The following RANBP17 variants were observed in gnomAD, a reference collection of about 807,000 sequenced individuals.
The protein encoded by RANBP17 is RAN binding protein 17, also known as ran-binding protein 17.
A neutral mutation model predicts 141.2 loss-of-function variants in RANBP17; 158 were observed. The ratio of observed to expected loss-of-function variants is 1.12; its 90% CI spans 0.98 to 1.28. RANBP17 has a LOEUF of 1.28. RANBP17 is among the 50% of genes most tolerant of loss of function. The pLI is 0.00. For missense variants in RANBP17, 1,438 were observed against 1,290.7 expected (o/e 1.11, Z -1.75); for synonymous variants, 430 against 450.0 (o/e 0.96, Z 0.56).
In RANBP17 at chr5:171,147,962, G is replaced by A. The variant is rs185062500; in HGVS notation, c.1711-22168G>A. 3.5e-4 allele frequency among the ~76,000 whole-genome samples: 54 copies of A among 152,264 alleles called. 2 individuals carry two copies. In the East Asian group the frequency reaches 8.3e-3, roughly 24 times the overall value. ...TGGAATAGAAAGGCGGGAAAGGTGG[G>A]CAAAAGATTGAGAAATCGGATGGTT... On this transcript the variant is annotated intron_variant, in intron 14 of 27. Transcript: ENST00000523189.
intron 14 of RANBP17, among the ~76,000 whole-genome samples, chr5:171,149,718 G>A (rs974782408): frequency 6.6e-6 from 1 of 152,132 alleles, no homozygotes; most frequent in Non-Finnish European, 1.5e-5. Flanking sequence ...TGTAAGCCAG[G>A]CCTTAATATC....
chr5:170,942,501 G>A (rs1774409835), intron 12 of RANBP17, among the ~76,000 whole-genome samples: 1 of 152,154 alleles, frequency 6.6e-6, no homozygotes. Flanking sequence ...GCTACATACA[G>A]CATGAAACGT....
chr5:171,201,683 T>C (rs1247001187), intron 19 of RANBP17, among the ~76,000 whole-genome samples: 1 of 152,246 alleles, frequency 6.6e-6, no homozygotes, highest in Non-Finnish European at 1.5e-5. Context: ...TAAATTCTAC[T>C]GTAAGCACCA....
chr5:171,156,784 A>G (rs1321506423), intron 14 of RANBP17, among the ~76,000 whole-genome samples: 1 of 152,180 alleles, frequency 6.6e-6, no homozygotes, highest in African/African-American at 2.4e-5. Flanking sequence ...TTGTGGGAAA[A>G]AAAGTCTTTT....
At chr5:170,981,723 C>T (rs750492030) in intron 14 of RANBP17, among the ~76,000 whole-genome samples, 56 of 152,046 alleles carry the variant, frequency 3.7e-4, no homozygotes, top group Non-Finnish European at 7.2e-4. Flanking sequence ...AACATGAAAA[C>T]GGACTAATAC....
At chr5:170,975,855 CAAACAG>C (rs1358376960) in intron 14 of RANBP17, among the ~76,000 whole-genome samples, 8 of 151,292 alleles carry the variant, frequency 5.3e-5, no homozygotes, top group Admixed American at 3.3e-4. Context: ...AAAAAACAAA[CAAACAG>C]AAACACCAAA....
intron 14 of RANBP17, among the ~76,000 whole-genome samples, chr5:171,065,707 C>A (rs1437192919): frequency 6.6e-6 from 1 of 151,688 alleles, no homozygotes; most frequent in Non-Finnish European, 1.5e-5. Context: ...ATATTTTATT[C>A]CATTGATTTG....
intron 12 of RANBP17, among the ~76,000 whole-genome samples, chr5:170,933,913 GTA>G (rs1773629351): frequency 6.6e-6 from 1 of 151,940 alleles, no homozygotes; most frequent in South Asian, 2.1e-4. Context: ...GGAGCGTTCT[GTA>G]GATGTCTATT....
chr5:171,143,823 A>T (rs898641365), intron 14 of RANBP17, among the ~76,000 whole-genome samples: 30 of 152,196 alleles, frequency 2.0e-4, no homozygotes, highest in African/African-American at 7.2e-4. Flanking sequence ...GGTCTTAAAG[A>T]TGGAGATGAT....
chr5:170,955,555 GTATATATATATA>G (rs71910042), intron 13 of RANBP17, among the ~76,000 whole-genome samples: 1 of 77,794 alleles, frequency 1.3e-5, no homozygotes, highest in African/African-American at 4.7e-5. Context: ...CTCAGTCTGT[GTATATATATATA>G]TGCTCAGTCT....
intron 14 of RANBP17, among the ~76,000 whole-genome samples, chr5:171,101,277 G>A (rs1787141209): frequency 6.6e-6 from 1 of 152,158 alleles, no homozygotes; most frequent in Admixed American, 6.5e-5. Context: ...GAATCTGGGT[G>A]CTCCTGTATT....
At chr5:170,880,415 A>C (rs1268055587) in intron 2 of RANBP17, among the ~76,000 whole-genome samples, 1 of 152,190 alleles carries the variant, frequency 6.6e-6, no homozygotes, top group African/African-American at 2.4e-5. Flanking sequence ...TTTTCTCTGC[A>C]CATATAACTT....
rs1276623208 is a variant in RANBP17 at position 171,134,957 on chromosome 5, A to T, written c.1711-35173A>T. ...AAAATAAATTAAATTCCCAAAACAGAAAAGTAAGTAAGTAAAGAGAAAAGT... is the reference window on the plus strand; with the variant it reads ...AAAATAAATTAAATTCCCAAAACAGTAAAGTAAGTAAGTAAAGAGAAAAGT... On this transcript the variant is annotated intron_variant, in intron 14 of 27. Transcript: ENST00000523189. Among the ~76,000 whole-genome samples, 5 of 151,836 alleles carry T rather than the reference A, an allele frequency of 3.3e-5. No homozygotes were observed. The East Asian group carries it at 9.7e-4, about 30-fold the overall frequency.
chr5:170,996,550 A>G (rs908163770), intron 14 of RANBP17, among the ~76,000 whole-genome samples: 1 of 152,178 alleles, frequency 6.6e-6, no homozygotes, highest in African/African-American at 2.4e-5. Flanking sequence ...AGTTATGCCA[A>G]AAAGTTTTTG....
At chr5:170,945,934 G>A (rs182665877) in intron 12 of RANBP17, among the ~76,000 whole-genome samples, 9 of 152,278 alleles carry the variant, frequency 5.9e-5, no homozygotes, top group African/African-American at 9.6e-5. Flanking sequence ...CTCATAATGT[G>A]TTAAACGCTT....
intron 12 of RANBP17, among the ~76,000 whole-genome samples, chr5:170,932,381 T>A (rs946298456): frequency 6.6e-6 from 1 of 152,222 alleles, no homozygotes; most frequent in African/African-American, 2.4e-5. Context: ...CCTCTTTTCC[T>A]AATTGAATAC....
chr5:170,948,036 C>A (rs1275273955), intron 12 of RANBP17, among the ~76,000 whole-genome samples: 1 of 152,130 alleles, frequency 6.6e-6, no homozygotes, highest in East Asian at 1.9e-4. Flanking sequence ...AGACAGACTA[C>A]CATGCTAAGT....
intron 14 of RANBP17, among the ~76,000 whole-genome samples, chr5:171,139,322 C>G (rs1021011872): frequency 6.6e-6 from 1 of 152,238 alleles, no homozygotes; most frequent in Admixed American, 6.5e-5. Flanking sequence ...TCTTCTCCAT[C>G]CATCTCTTCC....
intron 18 of RANBP17, among the ~76,000 whole-genome samples, chr5:171,188,075 G>C (rs1761391457): frequency 6.6e-6 from 1 of 151,922 alleles, no homozygotes; most frequent in Admixed American, 6.6e-5. Context: ...TAAATCACCA[G>C]AAAGACAAAC....
Sources: allele counts gnomAD v4.1 joint callset (sites outside exome capture counted in the v4.1 genomes callset), GRCh38; gene constraint gnomAD v4.1.1; transcripts MANE v1.5; gene names NCBI Gene and HGNC (gene_info 2026-07-23, HGNC 2026-07-21).